Variants in E2F6 observed in about 807,000 individuals in gnomAD.
E2F6 encodes the protein transcription factor E2F6.
A neutral mutation model predicts 31.5 loss-of-function variants in E2F6; 19 were observed. That is an observed-to-expected ratio of 0.60 (90% CI 0.42 to 0.89). The LOEUF (loss-of-function observed/expected upper bound fraction) is 0.89. Among genes scored for constraint, E2F6 ranks in the 40% least tolerant of loss-of-function variants. The probability of loss-of-function intolerance (pLI) is 0.00; values close to 1 mark genes in which losing one functional copy is unlikely to be tolerated. For missense variants in E2F6, 269 were observed against 341.6 expected (o/e 0.79, Z 1.67); for synonymous variants, 121 against 127.7 (o/e 0.95, Z 0.36).
chr2:11,465,792 TG>T lies in E2F6; in HGVS notation c.87del (p.Ile30SerfsTer11). ...CTTACCAGCAGGCCCTCCACGTTGA[TG>T]GGGTCTCGGCACCGACGGCGAACCG... Reference protein sequence around the residue: ...EETVRRRCRDPINVEGLLPSK... With the variant: ...EETVRRRCRDXINVEGLLPSK... On this transcript the variant is annotated frameshift_variant, in exon 1 of 7. Coordinates refer to ENST00000381525, the MANE Select transcript of E2F6 (RefSeq NM_198256.4). LOFTEE classifies it high-confidence loss of function. 1 of 1,600,646 alleles carries T rather than the reference TG, an allele frequency of 6.2e-7. No individual in the cohort carries two copies. Among genetic ancestry groups the T allele is most frequent in the East Asian group, 2.3e-5 (1 of 44,264 alleles).
chr2:11,455,855 A>AG (rs1290724326), intron 2 of E2F6, among the ~76,000 whole-genome samples: 36 of 152,220 alleles, frequency 2.4e-4, no homozygotes, highest in African/African-American at 8.7e-4. Flanking sequence ...CCTTCACTGG[A>AG]GGGGGAAACT....
At chr2:11,452,054 A>T (rs1157399831) in intron 3 of E2F6, among the ~76,000 whole-genome samples, 1 of 152,226 alleles carries the variant, frequency 6.6e-6, no homozygotes, top group Non-Finnish European at 1.5e-5. Context: ...ACAGAAATTA[A>T]TAACAGCAGA....
Position 11,461,874 on chromosome 2 carries a change from A to G in E2F6, c.108+3898T>C, listed in dbSNP as rs928204980. On this transcript the variant is annotated intron_variant, in intron 1 of 6. Transcript: ENST00000381525. ...CAAAGACAATAGGAGCAACCAACCA[A>G]TGTCATTATAATCCTTGTTTTCCCA... Among the ~76,000 whole-genome samples, 2 of 152,218 alleles carry G rather than the reference A, an allele frequency of 1.3e-5. 1 individual carries two copies. Among genetic ancestry groups the G allele is most frequent in the African/African-American group, 4.8e-5 (2 of 41,448 alleles).
intron 3 of E2F6, among the ~76,000 whole-genome samples, chr2:11,452,432 C>T (rs1572495645): frequency 1.3e-5 from 2 of 151,882 alleles, no homozygotes; most frequent in South Asian, 2.1e-4. Flanking sequence ...GGTGAAACCC[C>T]GTCTCTACTA....
chr2:11,444,734 A>G lies in E2F6; in HGVS notation c.*1743T>C, dbSNP rs1354760474. ...CTGACATCTGCCTGACGTACTACAC[A>G]GCTCAGACTTTTCCGCTGAGCACCT... On this transcript the variant is annotated 3_prime_UTR_variant, in exon 7 of 7. Coordinates refer to ENST00000381525, the MANE Select transcript of E2F6 (RefSeq NM_198256.4). 1.3e-5 allele frequency: 2 copies of G among 152,242 alleles called. No individual in the cohort carries two copies. The highest frequency in any genetic ancestry group is 3.8e-4 in the East Asian group (2 of 5,196). The allele number at this position is 152,242 out of a possible 1,614,324, so 9.4% of individuals were successfully genotyped here.
At chr2:11,463,288 G>A (rs1008519909) in intron 1 of E2F6, among the ~76,000 whole-genome samples, 3 of 152,196 alleles carry the variant, frequency 2.0e-5, no homozygotes, top group Non-Finnish European at 4.4e-5. Context: ...AGCCCACTTA[G>A]TGTGAAGACA....
intron 6 of E2F6, among the ~76,000 whole-genome samples, 170 bp downstream of exon 6, chr2:11,447,457 T>G (rs1051853031): frequency 8.5e-5 from 13 of 152,222 alleles, no homozygotes; most frequent in Admixed American, 3.3e-4. Flanking sequence ...CTACAGAAAT[T>G]TAACTATAAT....
At chr2:11,448,601 T>C (rs1195498878) in intron 5 of E2F6, among the ~76,000 whole-genome samples, 1 of 152,198 alleles carries the variant, frequency 6.6e-6, no homozygotes, top group African/African-American at 2.4e-5. Flanking sequence ...GTACTACAAG[T>C]GGGCTAGAGA....
At chr2:11,465,190 A>AG (rs1672076040) in intron 1 of E2F6, among the ~76,000 whole-genome samples, 3 of 147,972 alleles carry the variant, frequency 2.0e-5, no homozygotes, top group African/African-American at 7.4e-5. Context: ...AAAAAAAAAA[A>AG]AAAAAAGAAA....
chr2:11,465,978 G>A lies in E2F6; in HGVS notation c.-99C>T. 1 of 1,151,246 alleles carries A rather than the reference G, an allele frequency of 8.7e-7. No individual in the cohort carries two copies. Among genetic ancestry groups the A allele is most frequent in the Non-Finnish European group, 1.2e-6 (1 of 843,502 alleles). 71.3% of individuals were successfully genotyped at this position (1,151,246 alleles called of 1,614,324 possible). A position where few individuals can be genotyped will look rare whatever the true frequency, so the allele number is the denominator to read the frequency against. ...CGCCCCCCACGCGCCGATTTCCAAGGGCCCAGCACCTAAGGGGTCCGCGGC... is the reference window on the plus strand; with the variant it reads ...CGCCCCCCACGCGCCGATTTCCAAGAGCCCAGCACCTAAGGGGTCCGCGGC... On this transcript the variant is annotated 5_prime_UTR_variant, in exon 1 of 7. Coordinates refer to ENST00000381525, the MANE Select transcript of E2F6 (RefSeq NM_198256.4).
chr2:11,452,555 G>A (rs1408005337), intron 3 of E2F6, among the ~76,000 whole-genome samples: 1 of 151,198 alleles, frequency 6.6e-6, no homozygotes, highest in African/African-American at 2.4e-5. Flanking sequence ...AGTGAGCCGA[G>A]ATTGTGCCAC....
intron 6 of E2F6, among the ~76,000 whole-genome samples, chr2:11,446,733 C>T (rs1435012080): frequency 6.6e-6 from 1 of 152,208 alleles, no homozygotes; most frequent in Non-Finnish European, 1.5e-5. Context: ...TACCTGAAAG[C>T]ACCCGTCCGA....
chr2:11,465,658 GC>G, intron 1 of E2F6, 113 bp downstream of exon 1: 1 of 1,064,904 alleles, frequency 9.4e-7, no homozygotes, highest in South Asian at 1.4e-5. Flanking sequence ...GCAGCGCCTG[GC>G]CCAGGGGGAG....
intron 1 of E2F6, among the ~76,000 whole-genome samples, chr2:11,461,613 G>A (rs557552519): frequency 3.3e-5 from 5 of 152,240 alleles, no homozygotes; most frequent in Admixed American, 2.6e-4. Flanking sequence ...TCAGCCTCCC[G>A]AAGTGCTGGG....
At chr2:11,447,179 T>C (rs1441309415) in intron 6 of E2F6, among the ~76,000 whole-genome samples, 7 of 152,186 alleles carry the variant, frequency 4.6e-5, no homozygotes, top group African/African-American at 9.7e-5. Context: ...AGAGGCGACG[T>C]CCTTAGAAAT....
chr2:11,453,720 G>T lies in E2F6; in HGVS notation c.242C>A (p.Ser81Tyr). The change falls in exon 3 of 7, where the codon TCT becomes TAT. Residue 81 changes from serine (S) to tyrosine (Y), a missense_variant. By Grantham distance (144) the Ser-to-Tyr change is moderately radical. Coordinates refer to ENST00000381525, the MANE Select transcript of E2F6 (RefSeq NM_198256.4). ...TAAGTCAAGAATACCCCCGGGAGCA[G>T]ATCTGACAAGATCCATAAATTTTCG... Reference protein sequence around the residue: ...LTRKFMDLVRSAPGGILDLNK... With the variant: ...LTRKFMDLVRYAPGGILDLNK... 6.2e-7 allele frequency: 1 copy of T among 1,614,190 alleles called. No homozygotes were observed. Among genetic ancestry groups the T allele is most frequent in the East Asian group, 2.2e-5 (1 of 44,884 alleles).
chr2:11,454,968 T>C (rs1260362777), intron 2 of E2F6, among the ~76,000 whole-genome samples: 2 of 152,266 alleles, frequency 1.3e-5, no homozygotes, highest in Non-Finnish European at 2.9e-5. Flanking sequence ...ATCCCAATAT[T>C]AGAAATTAGA....
At chr2:11,464,126 C>T (rs937512273) in intron 1 of E2F6, among the ~76,000 whole-genome samples, 1 of 152,028 alleles carries the variant, frequency 6.6e-6, no homozygotes, top group Non-Finnish European at 1.5e-5. Flanking sequence ...AATTGACGAG[C>T]TTGTCGGTGA....
At chr2:11,458,716 G>T (rs199575144) in intron 1 of E2F6, among the ~76,000 whole-genome samples, 1 of 152,110 alleles carries the variant, frequency 6.6e-6, no homozygotes, top group Admixed American at 6.6e-5. Flanking sequence ...CAATATCCTC[G>T]GCACAATGAT....
Sources: gnomAD v4.1 joint callset for allele counts (sites outside exome capture counted in the v4.1 genomes callset) on GRCh38, gnomAD v4.1.1 for gene constraint, MANE v1.5 for transcripts, NCBI Gene and HGNC (gene_info 2026-07-23, HGNC 2026-07-21) for gene names.